GABRB3: variants seen among roughly 807,000 people sequenced by gnomAD.
The protein encoded by GABRB3 is gamma-aminobutyric acid type A receptor subunit beta3, also known as gamma-aminobutyric acid receptor subunit beta-3.
GABRB3 carries 14 observed loss-of-function variants against 52.1 expected under a neutral mutation model. That is an observed-to-expected ratio of 0.27 (90% CI 0.18 to 0.42). The LOEUF is 0.42. GABRB3 is among the 10% of genes least tolerant of loss of function. GABRB3 has a pLI of 1.00. For synonymous variants in GABRB3, 260 were observed against 232.3 expected (o/e 1.12, Z -1.08); for missense variants, 307 against 609.1 (o/e 0.50, Z 5.22).
chr15:26,744,111 G>A (rs1254183136), intron 3 of GABRB3, among the ~76,000 whole-genome samples: 1 of 152,076 alleles, frequency 6.6e-6, no homozygotes, highest in African/African-American at 2.4e-5. Flanking sequence ...TAAAGAGAAG[G>A]AATTTTACAC....
intron 4 of GABRB3, among the ~76,000 whole-genome samples, chr15:26,585,655 A>G (rs1890955657): frequency 6.6e-6 from 1 of 152,246 alleles, no homozygotes; most frequent in African/African-American, 2.4e-5. Context: ...CCATGCAGAC[A>G]TCATCAATAA....
intron 3 of GABRB3, among the ~76,000 whole-genome samples, chr15:26,725,797 T>G (rs1384590821): frequency 6.6e-6 from 1 of 152,216 alleles, no homozygotes; most frequent in African/African-American, 2.4e-5. Context: ...CTGAAGGCAA[T>G]CATGTATAAC....
At chr15:26,610,439 G>A (rs777793921) in intron 4 of GABRB3, among the ~76,000 whole-genome samples, 3 of 152,128 alleles carry the variant, frequency 2.0e-5, no homozygotes, top group Non-Finnish European at 4.4e-5. Flanking sequence ...TAAATGTGTT[G>A]GTTGTTGCAG....
chr15:26,738,817 C>A (rs1463487904), intron 3 of GABRB3, among the ~76,000 whole-genome samples: 1 of 152,108 alleles, frequency 6.6e-6, no homozygotes, highest in African/African-American at 2.4e-5. Flanking sequence ...CTATCTCAGC[C>A]TGAGGGTTAG....
intron 3 of GABRB3, chr15:26,628,937 C>T (rs757060478): frequency 2.6e-6 from 4 of 1,531,682 alleles, no homozygotes; most frequent in South Asian, 2.4e-5. Flanking sequence ...AGCGCCTCCA[C>T]TCCTTGTGAC....
chr15:26,679,939 A>G (rs1294621745), intron 3 of GABRB3, among the ~76,000 whole-genome samples: 1 of 152,172 alleles, frequency 6.6e-6, no homozygotes, highest in African/African-American at 2.4e-5. Context: ...TATTTCTTTC[A>G]TAATCTGGTG....
rs141997275 is a variant in GABRB3, at chr15:26,559,848, G to A, written c.1080+1084C>T. 3.6e-3 allele frequency among the ~76,000 whole-genome samples: 547 copies of A among 152,214 alleles called. 3 individuals are homozygous for A. The highest frequency in any genetic ancestry group is 0.012 in the African/African-American group (518 of 41,536). Reference sequence around the variant, plus strand: ...CCCTGGCTTTTTGCAGAACACAACCGGGAGGGGCCAGGGCCACGGCAGATC... The same window carrying A: ...CCCTGGCTTTTTGCAGAACACAACCAGGAGGGGCCAGGGCCACGGCAGATC... On this transcript the variant is annotated intron_variant, in intron 8 of 8. Transcript: ENST00000311550.
intron 3 of GABRB3, among the ~76,000 whole-genome samples, chr15:26,702,729 G>C (rs1341427665): frequency 6.6e-6 from 1 of 152,148 alleles, no homozygotes; most frequent in African/African-American, 2.4e-5. Flanking sequence ...AGAAATGAAA[G>C]CATATGTCTA....
intron 4 of GABRB3, among the ~76,000 whole-genome samples, chr15:26,602,147 T>C (rs371501490): frequency 6.6e-6 from 1 of 151,948 alleles, no homozygotes; most frequent in African/African-American, 2.4e-5. Context: ...AGACAAAACA[T>C]ATAAGAAGAG....
chr15:26,567,819 G>T (rs1890235140), intron 6 of GABRB3, 86 bp from the exon 7 acceptor site: 1 of 1,347,564 alleles, frequency 7.4e-7, no homozygotes, highest in Non-Finnish European at 1.1e-6. Flanking sequence ...GTCAACAACA[G>T]GCAATGGAAA....
intron 3 of GABRB3, among the ~76,000 whole-genome samples, chr15:26,648,512 G>T (rs1887083319): frequency 6.6e-6 from 1 of 152,180 alleles, no homozygotes; most frequent in South Asian, 2.1e-4. Context: ...TGTACAGTGA[G>T]AACCTTATGA....
intron 3 of GABRB3, among the ~76,000 whole-genome samples, chr15:26,741,670 A>G (rs567648323): frequency 5.9e-5 from 9 of 152,252 alleles, no homozygotes; most frequent in Admixed American, 5.9e-4. Flanking sequence ...GTGCCCTGGC[A>G]GGATCCTAGC....
At chr15:26,657,352 G>C (rs1467942951) in intron 3 of GABRB3, 1 of 152,192 alleles carries the variant, frequency 6.6e-6, no homozygotes, top group African/African-American at 2.4e-5. Context: ...TCTCTGACTT[G>C]AATCCTAATT....
chr15:26,627,828 G>A (rs749648241), intron 3 of GABRB3, among the ~76,000 whole-genome samples: 4 of 152,194 alleles, frequency 2.6e-5, no homozygotes, highest in Non-Finnish European at 5.9e-5. Context: ...ATAAAGCAGT[G>A]GCAGGGTTTG....
chr15:26,722,168 G>T (rs926078428), intron 3 of GABRB3, among the ~76,000 whole-genome samples: 2 of 151,976 alleles, frequency 1.3e-5, no homozygotes, highest in Non-Finnish European at 2.9e-5. Flanking sequence ...CCTCAACAAG[G>T]GTTGCTCATT....
At chr15:26,633,647 C>T (rs1595499480) in intron 3 of GABRB3, among the ~76,000 whole-genome samples, 2 of 152,250 alleles carry the variant, frequency 1.3e-5, no homozygotes, top group South Asian at 4.1e-4. Context: ...GATACTGTGG[C>T]GAGCAATATC....
intron 3 of GABRB3, among the ~76,000 whole-genome samples, chr15:26,675,693 T>C (rs184811328): frequency 7.9e-4 from 120 of 152,104 alleles, no homozygotes; most frequent in Middle Eastern, 6.8e-3. Flanking sequence ...GTGTTTATGT[T>C]GGAGGTGGGG....
chr15:26,570,492 C>G (rs544660475), intron 6 of GABRB3, among the ~76,000 whole-genome samples: 1 of 152,192 alleles, frequency 6.6e-6, no homozygotes, highest in African/African-American at 2.4e-5. Flanking sequence ...ATGCCACAGT[C>G]AAAATCTTCT....
chr15:26,621,634 T>A lies in GABRB3; in HGVS notation c.241-100A>T. On this transcript the variant is annotated intron_variant, in intron 3 of 8. Transcript: ENST00000311550. This position sits in a 1 kb window ranked among gnomAD's most constrained non-coding sequence, Gnocchi z 4.1. ...TCAGGTTGCAATCTAGGCTCTACAG[T>A]GAATAACCAGGAGAAACGGATGCCA... is the stretch of plus-strand genomic sequence containing the variant. The A allele has an allele frequency of 1.1e-6, 1 of 885,276 alleles. No homozygotes were observed. Among genetic ancestry groups the A allele is most frequent in the South Asian group, 1.5e-5 (1 of 67,806 alleles). The allele number at this position is 885,276 out of a possible 1,614,324, so 54.8% of individuals were successfully genotyped here. A position where few individuals can be genotyped will look rare whatever the true frequency, so the allele number is the denominator to read the frequency against.
Sources: gnomAD v4.1 joint callset for allele counts (sites outside exome capture counted in the v4.1 genomes callset) on GRCh38, gnomAD v4.1.1 for gene constraint, Gnocchi (gnomAD v3.1) non-coding constraint, MANE v1.5 for transcripts, NCBI Gene and HGNC (gene_info 2026-07-23, HGNC 2026-07-21) for gene names.